DAB1: variants seen among roughly 807,000 people sequenced by gnomAD.
The protein encoded by DAB1 is disabled homolog 1.
DAB1 carries 15 observed loss-of-function variants against 64.6 expected under a neutral mutation model. That is an observed-to-expected ratio of 0.23 (90% CI 0.16 to 0.36). The LOEUF (loss-of-function observed/expected upper bound fraction) is 0.36. Ranked by LOEUF, DAB1 falls within the 10% of genes least tolerant of loss-of-function variation. DAB1 has a pLI of 1.00. For synonymous variants in DAB1, 235 were observed against 251.9 expected (o/e 0.93, Z 0.64); for missense variants, 596 against 706.7 (o/e 0.84, Z 1.78).
intron 4 of DAB1, among the ~76,000 whole-genome samples, chr1:58,287,315 C>T (rs764565348): frequency 2.0e-5 from 3 of 152,074 alleles, no homozygotes; most frequent in Non-Finnish European, 4.4e-5. Context: ...CACATGGACC[C>T]TGGAACTTAA....
At chr1:57,247,813 T>C (rs1669002437) in intron 2 of DAB1, among the ~76,000 whole-genome samples, 1 of 152,178 alleles carries the variant, frequency 6.6e-6, no homozygotes, top group Admixed American at 6.5e-5. Flanking sequence ...ATGCCCATTC[T>C]CCCTGCTAGT....
At chr1:57,782,014 T>C (rs1569666584) in intron 6 of DAB1, among the ~76,000 whole-genome samples, 1 of 152,312 alleles carries the variant, frequency 6.6e-6, no homozygotes, top group East Asian at 1.9e-4. Context: ...TCACTAATTC[T>C]ACACACGGCA....
At position 58,255,053 on chromosome 1, in the gene DAB1, C is replaced by T. The variant is rs1261852893; in HGVS notation, n.309+88299G>A. On this transcript the variant is annotated intron_variant and non_coding_transcript_variant, in intron 4 of 20. Coordinates refer to the DAB1 transcript ENST00000485760. ...GTGTTCCTATTTCTCCACATCCTCT[C>T]CAGCACCTGTTGTTTCCTGACTTTT... Among the ~76,000 whole-genome samples the T allele has an allele frequency of 3.7e-5, 4 of 107,076 alleles. 1 individual carries two copies. Among genetic ancestry groups the T allele is most frequent in the South Asian group, 7.8e-4 (2 of 2,552 alleles). 70.2% of individuals were successfully genotyped at this position (107,076 alleles called of 152,430 possible).
rs190691329 is a variant in DAB1, at chr1:57,631,098, T to C, written n.625+18494A>G. Among the ~76,000 whole-genome samples the C allele has an allele frequency of 1.9e-3, 287 of 152,284 alleles. 1 individual carries two copies. The highest frequency in any genetic ancestry group is 6.5e-3 in the African/African-American group (272 of 41,554). ...GATAAAAATACAGAAGATGTAGACTTATCAAATATATTTTCTTTGGTGGGG... is the reference window on the plus strand; with the variant it reads ...GATAAAAATACAGAAGATGTAGACTCATCAAATATATTTTCTTTGGTGGGG... On this transcript the variant is annotated intron_variant and non_coding_transcript_variant, in intron 7 of 20. Transcript: ENST00000485760.
At chr1:58,020,475 C>T (rs1156780918) in intron 5 of DAB1, among the ~76,000 whole-genome samples, 1 of 152,174 alleles carries the variant, frequency 6.6e-6, no homozygotes, top group Admixed American at 6.5e-5. Flanking sequence ...TAATGGAATG[C>T]TTCATGGAAT....
At chr1:58,471,617 G>A (rs992764263) in intron 3 of DAB1, among the ~76,000 whole-genome samples, 4 of 152,144 alleles carry the variant, frequency 2.6e-5, no homozygotes, top group African/African-American at 9.7e-5. Context: ...CTTTTTGGAG[G>A]TGGGGCCCAG....
At chr1:57,294,308 T>A (rs1394283938) in intron 1 of DAB1, among the ~76,000 whole-genome samples, 1 of 152,198 alleles carries the variant, frequency 6.6e-6, no homozygotes, top group African/African-American at 2.4e-5. Flanking sequence ...TGTGTCAGGT[T>A]TTTTATAATG....
At chr1:58,117,448 T>C (rs1188437014) in intron 5 of DAB1, among the ~76,000 whole-genome samples, 2 of 152,218 alleles carry the variant, frequency 1.3e-5, no homozygotes, top group African/African-American at 4.8e-5. Context: ...TCTGACTCCA[T>C]GCCTGAAGCT....
At chr1:58,098,042 T>C (rs1474453717) in intron 5 of DAB1, among the ~76,000 whole-genome samples, 2 of 152,154 alleles carry the variant, frequency 1.3e-5, no homozygotes, top group African/African-American at 2.4e-5. Context: ...CCAGTGTTAG[T>C]GGACAAAGCA....
At chr1:57,063,875 C>T (rs1650652954) in intron 8 of DAB1, among the ~76,000 whole-genome samples, 1 of 152,164 alleles carries the variant, frequency 6.6e-6, no homozygotes, top group Non-Finnish European at 1.5e-5. Flanking sequence ...AGATTGGAAG[C>T]ACCCATTAGT....
At chr1:57,235,661 C>T (rs1668034049) in intron 2 of DAB1, among the ~76,000 whole-genome samples, 1 of 149,848 alleles carries the variant, frequency 6.7e-6, no homozygotes, top group African/African-American at 2.4e-5. Context: ...AAGCTTGAAT[C>T]TAAATCTGTC....
At chr1:57,010,109 G>A (rs925243001) in intron 14 of DAB1, among the ~76,000 whole-genome samples, 1 of 152,110 alleles carries the variant, frequency 6.6e-6, no homozygotes, top group Non-Finnish European at 1.5e-5. Flanking sequence ...TTGCTTCTTA[G>A]TCTGGCTTCT....
intron 5 of DAB1, among the ~76,000 whole-genome samples, chr1:57,961,894 C>T (rs1269250535): frequency 6.6e-6 from 1 of 151,934 alleles, no homozygotes; most frequent in Admixed American, 6.6e-5. Context: ...ATTGCTTGAA[C>T]CTGGGAGGCG....
intron 2 of DAB1, among the ~76,000 whole-genome samples, chr1:57,275,385 A>G (rs1230263116): frequency 6.6e-6 from 1 of 152,220 alleles, no homozygotes; most frequent in African/African-American, 2.4e-5. Flanking sequence ...TTCTAAGAAG[A>G]GAATATAAAT....
At chr1:57,147,067 A>G (rs1306377873) in intron 2 of DAB1, among the ~76,000 whole-genome samples, 1 of 148,560 alleles carries the variant, frequency 6.7e-6, no homozygotes, top group East Asian at 2.0e-4. Flanking sequence ...ATCTCACTTC[A>G]TCACCCAGGC....
At chr1:58,082,570 GGGGTGGAAGAAAA>G (rs1466508827) in intron 5 of DAB1, among the ~76,000 whole-genome samples, 7 of 152,138 alleles carry the variant, frequency 4.6e-5, no homozygotes, top group Non-Finnish European at 1.0e-4. Flanking sequence ...TATGAAGATA[GGGGTGGAAGAAAA>G]GGTGGTGGAG....
chr1:57,083,178 C>G (rs919783115), intron 4 of DAB1, among the ~76,000 whole-genome samples: 3 of 152,138 alleles, frequency 2.0e-5, no homozygotes, highest in Non-Finnish European at 4.4e-5. Flanking sequence ...CCCTACTTTA[C>G]TATGGAGGTA....
chr1:58,405,276 A>G (rs1019768065), intron 3 of DAB1, among the ~76,000 whole-genome samples: 6 of 152,232 alleles, frequency 3.9e-5, no homozygotes, highest in Admixed American at 6.5e-5. Context: ...GCCTTCCCTG[A>G]CCACCCTATT....
At chr1:57,427,353 TCTTGGAGTCAACCTAATAAAAGA>T (rs1178894584), upstream of DAB1, among the ~76,000 whole-genome samples, 1 of 152,214 alleles carries the variant, frequency 6.6e-6, no homozygotes, top group Non-Finnish European at 1.5e-5. Context: ...CCTTTGAGGA[TCTTGGAGTCAACCTAATAAAAGA>T]CACAGGCATG....
Sources: gnomAD v4.1 joint callset for allele counts (sites outside exome capture counted in the v4.1 genomes callset) on GRCh38, gnomAD v4.1.1 for gene constraint, MANE v1.5 for transcripts, NCBI Gene and HGNC (gene_info 2026-07-23, HGNC 2026-07-21) for gene names.